VPS13B: variants seen among roughly 807,000 people sequenced by gnomAD.
VPS13B encodes vacuolar protein sorting 13 homolog B.
Under a neutral mutation model 426.4 loss-of-function variants are expected in VPS13B, and 285 were observed. The ratio of observed to expected loss-of-function variants is 0.67; its 90% CI spans 0.61 to 0.74. The LOEUF is 0.74. VPS13B is among the 30% of genes least tolerant of loss of function. The pLI is 0.00. For synonymous variants in VPS13B, 1,676 were observed against 1,676.4 expected, an observed-to-expected ratio of 1.00 and a Z score of 0.01; for missense variants, 4,537 against 4,782.6, an observed-to-expected ratio of 0.95 and a Z score of 1.51.
chr8:99,517,146 T>TGAGA (rs1159126714), intron 29 of VPS13B, among the ~76,000 whole-genome samples: 1 of 152,216 alleles, frequency 6.6e-6, no homozygotes, highest in African/African-American at 2.4e-5. Flanking sequence ...CAAATACTCT[T>TGAGA]GAGACTTCAG....
intron 35 of VPS13B, among the ~76,000 whole-genome samples, chr8:99,683,790 C>T (rs987258109): frequency 5.3e-5 from 8 of 152,210 alleles, no homozygotes; most frequent in African/African-American, 1.7e-4. Flanking sequence ...TGGACAATTA[C>T]GTCATCTGCA....
At chr8:99,689,152 A>G (rs1301114530) in intron 35 of VPS13B, among the ~76,000 whole-genome samples, 2 of 152,050 alleles carry the variant, frequency 1.3e-5, no homozygotes, top group African/African-American at 2.4e-5. Context: ...TCATCTTTAT[A>G]TAGATAGCAG....
chr8:99,821,164 A>ACC (rs1814345543), intron 49 of VPS13B, 130 bp from the exon 50 acceptor site: 1 of 552,344 alleles, frequency 1.8e-6, no homozygotes, highest in South Asian at 1.8e-5. Context: ...ACACACACAC[A>ACC]CACCATGGAG....
chr8:99,702,596 T>C (rs1406756092), intron 36 of VPS13B, among the ~76,000 whole-genome samples: 1 of 152,178 alleles, frequency 6.6e-6, no homozygotes, highest in African/African-American at 2.4e-5. Flanking sequence ...AACTCCCCAA[T>C]GAGAGAACAC....
At chr8:99,716,218 A>G (rs1197921085) in intron 36 of VPS13B, among the ~76,000 whole-genome samples, 1 of 152,206 alleles carries the variant, frequency 6.6e-6, no homozygotes, top group Non-Finnish European at 1.5e-5. Flanking sequence ...TATACAACAT[A>G]TATGAAATTT....
chr8:99,062,808 A>T (rs1031277857), intron 3 of VPS13B, among the ~76,000 whole-genome samples: 13 of 152,190 alleles, frequency 8.5e-5, no homozygotes, highest in African/African-American at 2.9e-4. Context: ...ATAAGAATAC[A>T]TTATTCTCTT....
chr8:99,069,872 GT>G (rs1313215660), intron 3 of VPS13B, among the ~76,000 whole-genome samples: 1 of 152,062 alleles, frequency 6.6e-6, no homozygotes, highest in Non-Finnish European at 1.5e-5. Flanking sequence ...ATTTTTAATT[GT>G]TTTAATTAAA....
At chr8:99,820,504 C>A (rs1309878854) in intron 49 of VPS13B, among the ~76,000 whole-genome samples, 1 of 152,112 alleles carries the variant, frequency 6.6e-6, no homozygotes, top group Non-Finnish European at 1.5e-5. Flanking sequence ...CTGCAATCTG[C>A]AAGATATTGA....
chr8:99,805,823 C>G (rs536240023), intron 43 of VPS13B, among the ~76,000 whole-genome samples: 1 of 152,106 alleles, frequency 6.6e-6, no homozygotes, highest in Admixed American at 6.5e-5. Context: ...CTTTTCCCCC[C>G]ACCGTGGAAA....
At chr8:99,435,858 G>A (rs1324129879) in intron 22 of VPS13B, among the ~76,000 whole-genome samples, 2 of 152,154 alleles carry the variant, frequency 1.3e-5, no homozygotes, top group Non-Finnish European at 2.9e-5. Flanking sequence ...ACATGTATTT[G>A]AAATGTATGT....
At position 99,064,426 on chromosome 8, in the gene VPS13B, G is replaced by A. The variant is rs1316698264; in HGVS notation, c.291+25860G>A. On this transcript the variant is annotated intron_variant, in intron 3 of 61. Coordinates refer to ENST00000357162, the MANE Select transcript of VPS13B (RefSeq NM_152564.5). ...AGAAGACCTTAAATGACCTGATGGA[G>A]CTCAAAACCATGGCATGAGAACTAT... is the stretch of plus-strand genomic sequence containing the variant. Among the ~76,000 whole-genome samples, 4 of 152,172 alleles carry A rather than the reference G, an allele frequency of 2.6e-5. No homozygotes were observed. The East Asian group carries it at 7.7e-4, about 29-fold the overall frequency.
intron 21 of VPS13B, among the ~76,000 whole-genome samples, chr8:99,410,854 G>A (rs947059136): frequency 1.3e-5 from 2 of 152,008 alleles, no homozygotes; most frequent in Non-Finnish European, 2.9e-5. Flanking sequence ...GAGAATGATG[G>A]TTTCCAGCTT....
chr8:99,681,431 G>A (rs79357337), intron 35 of VPS13B, among the ~76,000 whole-genome samples: 1 of 152,174 alleles, frequency 6.6e-6, no homozygotes, highest in African/African-American at 2.4e-5. Context: ...GTCCCTCCAG[G>A]GTGAGGGACT....
chr8:99,455,484 C>G (rs1818405698), intron 23 of VPS13B, among the ~76,000 whole-genome samples: 1 of 152,074 alleles, frequency 6.6e-6, no homozygotes, highest in African/African-American at 2.4e-5. Context: ...GGAGGTTTCA[C>G]ACACTTAAAC....
chr8:99,189,905 G>A (rs1250678543), intron 16 of VPS13B, among the ~76,000 whole-genome samples: 1 of 152,146 alleles, frequency 6.6e-6, no homozygotes, highest in Non-Finnish European at 1.5e-5. Context: ...CTTGGTGAAT[G>A]TGTACTCTGC....
intron 22 of VPS13B, among the ~76,000 whole-genome samples, chr8:99,441,887 G>T (rs1272665222): frequency 6.6e-6 from 1 of 152,056 alleles, no homozygotes; most frequent in African/African-American, 2.4e-5. Context: ...GTATATAAAA[G>T]TGAAAGTATG....
intron 31 of VPS13B, 38 bp from the exon 32 acceptor site, chr8:99,575,620 T>C (rs1825740024): frequency 1.2e-6 from 2 of 1,612,828 alleles, no homozygotes; most frequent in Non-Finnish European, 1.7e-6. Context: ...TCTTTGAAAA[T>C]AATGAAATGG....
intron 39 of VPS13B, among the ~76,000 whole-genome samples, chr8:99,754,751 A>G (rs1302956978): frequency 2.0e-5 from 3 of 152,202 alleles, no homozygotes; most frequent in East Asian, 3.8e-4. Context: ...TTAACATTGT[A>G]TAAGTGCAGT....
At chr8:99,133,853 CA>C (rs1809931833) in intron 8 of VPS13B, among the ~76,000 whole-genome samples, 1 of 152,060 alleles carries the variant, frequency 6.6e-6, no homozygotes, top group South Asian at 2.1e-4. Context: ...ATCACCATAA[CA>C]GATAATAATA....
Sources: allele counts gnomAD v4.1 joint callset (sites outside exome capture counted in the v4.1 genomes callset), GRCh38; gene constraint gnomAD v4.1.1; transcripts MANE v1.5; gene names NCBI Gene and HGNC (gene_info 2026-07-23, HGNC 2026-07-21).